SUPT6H: variants seen among roughly 807,000 people sequenced by gnomAD.
SUPT6H encodes SPT6 homolog, histone chaperone and transcription elongation factor.
SUPT6H carries 11 observed loss-of-function variants against 222.3 expected under a neutral mutation model. The ratio of observed to expected loss-of-function variants is 0.05; its 90% confidence interval spans 0.03 to 0.08. SUPT6H has a LOEUF of 0.08. Ranked by LOEUF, SUPT6H falls within the 10% of genes least tolerant of loss-of-function variation. The probability of loss-of-function intolerance (pLI) is 1.00; values close to 1 mark genes in which losing one functional copy is unlikely to be tolerated. For missense variants in SUPT6H, 1,422 were observed against 2,216.0 expected (o/e 0.64, Z 7.19); for synonymous variants, 762 against 801.2 (o/e 0.95, Z 0.83).
rs2030262336 is a variant in SUPT6H at position 28,669,142 on chromosome 17, ATTTAT to A, written c.-31-4224_-31-4220del. On this transcript the variant is annotated intron_variant, in intron 1 of 36. Coordinates refer to ENST00000314616, the MANE Select transcript of SUPT6H (RefSeq NM_003170.5). ...GTGAGACATTTAAAAATATTTATTG[ATTTAT>A]TTTAAAGTAGTAAACAATAATACTT... Among the ~76,000 whole-genome samples, 5 of 152,320 alleles carry A rather than the reference ATTTAT, an allele frequency of 3.3e-5. No homozygotes were observed. The South Asian group carries it at 8.3e-4, about 25-fold the overall frequency.
intron 13 of SUPT6H, 81 bp downstream of exon 13, chr17:28,682,061 A>C: frequency 8.6e-7 from 1 of 1,168,412 alleles, no homozygotes; most frequent in Non-Finnish European, 1.2e-6. Flanking sequence ...GTAGGTAGGA[A>C]AAAGAAAGGC....
In SUPT6H at chr17:28,697,729, G is replaced by A. The variant is rs764555718; in HGVS notation, c.4319G>A (p.Arg1440His). 35 of 1,613,924 alleles carry A rather than the reference G, an allele frequency of 2.2e-5. No individual in the cohort carries two copies. In the Middle Eastern group the frequency reaches 4.9e-4, roughly 23 times the overall value. The change falls in exon 31 of 37, where the codon CGC (arginine) becomes CAC (histidine). Residue 1440 changes from arginine to histidine, a missense_variant. Physicochemically the swap from Arg to His is conservative, Grantham distance 29 (BLOSUM62 0). This residue lies in a region of SUPT6H where 395 missense variants were observed against 580.6 expected (regional missense o/e 0.68). Transcript: ENST00000314616. The part of the protein sequence containing the change: ...KYYQDCSGGD[R>H]KKLEELLIKT... Reference sequence around the variant, plus strand: ...TATCAGGACTGCAGCGGTGGGGACCGCAAGGTAAGCCCAGGGCCCTCTGAG... The same window carrying A: ...TATCAGGACTGCAGCGGTGGGGACCACAAGGTAAGCCCAGGGCCCTCTGAG...
intron 1 of SUPT6H, among the ~76,000 whole-genome samples, chr17:28,666,823 C>T (rs1312903031): frequency 2.0e-5 from 3 of 152,164 alleles, no homozygotes; most frequent in Non-Finnish European, 2.9e-5. Context: ...TCCCAAAGTG[C>T]TGGCATTATA....
chr17:28,663,500 G>A (rs2072104197), intron 1 of SUPT6H, among the ~76,000 whole-genome samples: 1 of 152,140 alleles, frequency 6.6e-6, no homozygotes, highest in African/African-American at 2.4e-5. Context: ...CTAGTGTGGT[G>A]GAAACATGAT....
chr17:28,664,170 C>T (rs1339392363), intron 1 of SUPT6H, among the ~76,000 whole-genome samples: 3 of 152,060 alleles, frequency 2.0e-5, no homozygotes, highest in African/African-American at 7.2e-5. Context: ...CCGGCTGTTC[C>T]TTCTGAGTCT....
At chr17:28,687,609 A>C in intron 23 of SUPT6H, 138 bp downstream of exon 23, 1 of 1,000,314 alleles carries the variant, frequency 1.0e-6, no homozygotes, top group East Asian at 2.6e-5. Context: ...AGTGAGAGTC[A>C]AAAGAGTCTG....
At chr17:28,695,992 A>C (rs1232465472) in intron 29 of SUPT6H, among the ~76,000 whole-genome samples, 1 of 151,932 alleles carries the variant, frequency 6.6e-6, no homozygotes, top group Non-Finnish European at 1.5e-5. Context: ...GTAAGACACC[A>C]TCTCTACAAA....
Position 28,684,865 on chromosome 17 carries a change from C to T in SUPT6H, c.2391C>T (p.Ala797=). 1 of 1,614,160 alleles carries T rather than the reference C, an allele frequency of 6.2e-7. No homozygotes were observed. Among genetic ancestry groups the T allele is most frequent in the Non-Finnish European group, 8.5e-7 (1 of 1,180,040 alleles). Residue 797 remains alanine (A), a synonymous_variant, in exon 19 of 37, where the codon GCC becomes GCT. Coordinates refer to ENST00000314616, the MANE Select transcript of SUPT6H (RefSeq NM_003170.5). The part of the protein sequence containing the change: ...SSARDHPVFC[A]LVNGEGEVTD... The stretch of plus-strand genomic sequence containing the variant: ...GCAGAGATCACCCTGTGTTCTGCGC[C>T]CTGGTCAATGGTGAAGGAGAAGTGA...
Position 28,692,407 on chromosome 17 carries a change from T to G in SUPT6H, c.3634-1289T>G, listed in dbSNP as rs1362862400. 1.4e-5 allele frequency among the ~76,000 whole-genome samples: 2 copies of G among 146,524 alleles called. 1 individual carries two copies. The highest frequency in any genetic ancestry group is 5.1e-5 in the African/African-American group (2 of 39,154). ...CAGTACTTTGGGAGGCTGAGGCAGT[T>G]GGATCACCTGAGGTCAGGAGTTCCA... On this transcript the variant is annotated intron_variant, in intron 27 of 36. Transcript: ENST00000314616.
chr17:28,663,643 G>A (rs2072107826), intron 1 of SUPT6H, among the ~76,000 whole-genome samples: 2 of 151,774 alleles, frequency 1.3e-5, no homozygotes, highest in African/African-American at 4.8e-5. Context: ...ACCAAATCCT[G>A]TCTCTCCCTG....
chr17:28,668,758 CTA>C (rs1251904939), intron 1 of SUPT6H, among the ~76,000 whole-genome samples: 1 of 152,140 alleles, frequency 6.6e-6, no homozygotes, highest in Non-Finnish European at 1.5e-5. Flanking sequence ...TTAGAACAAG[CTA>C]TGTGTGGGGG....
intron 2 of SUPT6H, 141 bp downstream of exon 2, chr17:28,673,651 C>A: frequency 1.6e-6 from 1 of 637,834 alleles, no homozygotes. Context: ...TCATTCTTAG[C>A]AGATACTAAC....
intron 35 of SUPT6H, 113 bp downstream of exon 35, chr17:28,700,625 A>G (rs2032093764): frequency 1.3e-5 from 17 of 1,348,802 alleles, no homozygotes; most frequent in Non-Finnish European, 1.6e-5. Context: ...GGCCTTGGTA[A>G]CTGTCTCCAA....
At chr17:28,666,554 T>C (rs927488092) in intron 1 of SUPT6H, among the ~76,000 whole-genome samples, 5 of 151,270 alleles carry the variant, frequency 3.3e-5, no homozygotes, top group Non-Finnish European at 7.4e-5. Context: ...GGAATACTTT[T>C]TTTTTTTTTT....
chr17:28,698,139 C>G, intron 32 of SUPT6H, 109 bp downstream of exon 32: 1 of 1,406,076 alleles, frequency 7.1e-7, no homozygotes, highest in Non-Finnish European at 9.4e-7. Flanking sequence ...CTGCCTTTCT[C>G]CTCTCATCTG....
chr17:28,682,571 T>C (rs1357186778), intron 13 of SUPT6H, among the ~76,000 whole-genome samples, 156 bp from the exon 14 acceptor site: 1 of 152,090 alleles, frequency 6.6e-6, no homozygotes. Context: ...CAATGAGCCA[T>C]GATCACACCA....
chr17:28,692,112 A>G (rs1319581467), intron 27 of SUPT6H, among the ~76,000 whole-genome samples: 8 of 148,232 alleles, frequency 5.4e-5, no homozygotes, highest in African/African-American at 1.7e-4. Context: ...TCATGAGGTC[A>G]GGAGATCGAG....
intron 19 of SUPT6H, 122 bp from the exon 20 acceptor site, chr17:28,686,217 C>A: frequency 1.1e-6 from 1 of 875,840 alleles, no homozygotes. Context: ...CTTGGTAGCA[C>A]CTTGGACCAG....
intron 32 of SUPT6H, 116 bp from the exon 33 acceptor site, chr17:28,699,665 T>C: frequency 1.2e-6 from 1 of 847,584 alleles, no homozygotes; most frequent in East Asian, 2.4e-5. Flanking sequence ...GGCTGTGTCA[T>C]CTCTCCTTTC....
Sources: gnomAD v4.1 joint callset for allele counts (sites outside exome capture counted in the v4.1 genomes callset) on GRCh38, gnomAD v4.1.1 for gene constraint, gnomAD v4.1.1 regional missense constraint, MANE v1.5 for transcripts, NCBI Gene and HGNC (gene_info 2026-07-23, HGNC 2026-07-21) for gene names.